The following VPS13B variants were observed in gnomAD, a reference collection of about 807,000 sequenced individuals.
The protein encoded by VPS13B is intermembrane lipid transfer protein VPS13B.
VPS13B carries 285 observed loss-of-function variants against 426.4 expected under a neutral mutation model. That is an observed-to-expected ratio of 0.67 (90% CI 0.61 to 0.74). The LOEUF is 0.74. VPS13B is among the 30% of genes least tolerant of loss of function. The pLI is 0.00. For synonymous variants in VPS13B, 1,676 were observed against 1,676.4 expected, an observed-to-expected ratio of 1.00 and a Z score of 0.01; for missense variants, 4,537 against 4,782.6, an observed-to-expected ratio of 0.95 and a Z score of 1.51.
chr8:99,242,830 C>T (rs1015423034), intron 17 of VPS13B, among the ~76,000 whole-genome samples: 1 of 152,042 alleles, frequency 6.6e-6, no homozygotes, highest in Non-Finnish European at 1.5e-5. Flanking sequence ...TTTGTAATGC[C>T]TTTACAAATT....
intron 2 of VPS13B, among the ~76,000 whole-genome samples, chr8:99,018,292 A>G (rs748118601): frequency 3.5e-4 from 54 of 152,214 alleles, no homozygotes; most frequent in Non-Finnish European, 1.2e-4. Flanking sequence ...ACGCTGGGGC[A>G]CAAGAATCAC....
intron 33 of VPS13B, among the ~76,000 whole-genome samples, chr8:99,588,720 C>G (rs903138234): frequency 4.0e-5 from 6 of 151,626 alleles, no homozygotes; most frequent in Non-Finnish European, 8.8e-5. Context: ...TGGGCTGAGA[C>G]GATGGGGTTT....
chr8:99,603,929 A>G (rs911528792), intron 33 of VPS13B, among the ~76,000 whole-genome samples: 3 of 152,208 alleles, frequency 2.0e-5, no homozygotes, highest in African/African-American at 7.2e-5. Flanking sequence ...TGCTTATTCT[A>G]TTTAAATTTT....
intron 16 of VPS13B, among the ~76,000 whole-genome samples, chr8:99,175,669 A>T (rs1181629120): frequency 6.6e-6 from 1 of 152,084 alleles, no homozygotes; most frequent in African/African-American, 2.4e-5. Flanking sequence ...AGGTGGGAGG[A>T]TCACTTGCGC....
intron 16 of VPS13B, among the ~76,000 whole-genome samples, chr8:99,190,106 G>A (rs1233910409): frequency 1.3e-5 from 2 of 151,778 alleles, no homozygotes; most frequent in African/African-American, 2.4e-5. Flanking sequence ...TATGTATTTC[G>A]GAGATGTGTA....
intron 33 of VPS13B, among the ~76,000 whole-genome samples, chr8:99,604,549 G>C (rs1827482321): frequency 7.1e-6 from 1 of 141,178 alleles, no homozygotes; most frequent in African/African-American, 2.6e-5. Context: ...GCCCAGGCTG[G>C]AGTGCAGTGG....
At chr8:99,680,381 A>T (rs1326434120) in intron 35 of VPS13B, among the ~76,000 whole-genome samples, 1 of 152,158 alleles carries the variant, frequency 6.6e-6, no homozygotes, top group Non-Finnish European at 1.5e-5. Flanking sequence ...TCCCTCTCTG[A>T]TTTCATTATT....
At chr8:99,718,460 T>G (rs1371444944) in intron 37 of VPS13B, among the ~76,000 whole-genome samples, 1 of 152,196 alleles carries the variant, frequency 6.6e-6, no homozygotes, top group African/African-American at 2.4e-5. Flanking sequence ...TGCATTTGTC[T>G]TAACAGCCAA....
At chr8:99,385,615 C>T (rs1248862101) in intron 20 of VPS13B, among the ~76,000 whole-genome samples, 1 of 152,146 alleles carries the variant, frequency 6.6e-6, no homozygotes, top group African/African-American at 2.4e-5. Context: ...GAGAATATCC[C>T]TCCCTCTGAG....
intron 23 of VPS13B, among the ~76,000 whole-genome samples, chr8:99,465,400 G>A (rs1054018351): frequency 1.3e-5 from 2 of 149,328 alleles, no homozygotes. Flanking sequence ...GTAGTACCTT[G>A]AAAGGTTTTT....
intron 17 of VPS13B, among the ~76,000 whole-genome samples, chr8:99,194,886 G>GC (rs1813820784): frequency 6.6e-6 from 1 of 151,706 alleles, no homozygotes; most frequent in Non-Finnish European, 1.5e-5. Context: ...TTGCTCTGTT[G>GC]CCAGGCTGGA....
intron 21 of VPS13B, among the ~76,000 whole-genome samples, chr8:99,410,033 G>A (rs77925444): frequency 0.02 from 3,074 of 152,172 alleles, 114 homozygotes; most frequent in African/African-American, 0.07. Context: ...GGTGGGATGG[G>A]GGAATACTTG....
chr8:99,466,523 T>G (rs1160903032), intron 23 of VPS13B, among the ~76,000 whole-genome samples: 2 of 152,122 alleles, frequency 1.3e-5, no homozygotes, highest in Non-Finnish European at 2.9e-5. Context: ...AAAATTACTT[T>G]CCTATATTTA....
At chr8:99,425,069 A>G (rs1816614588) in intron 21 of VPS13B, among the ~76,000 whole-genome samples, 1 of 152,214 alleles carries the variant, frequency 6.6e-6, no homozygotes, top group Non-Finnish European at 1.5e-5. Flanking sequence ...TGAGGCAATA[A>G]TTAATAGCTT....
chr8:99,377,276 C>T (rs1241744887), intron 19 of VPS13B, among the ~76,000 whole-genome samples: 3 of 152,136 alleles, frequency 2.0e-5, no homozygotes, highest in African/African-American at 7.2e-5. Context: ...ATTGTCTCTT[C>T]CCCATTCTCT....
intron 17 of VPS13B, among the ~76,000 whole-genome samples, chr8:99,194,789 T>TA (rs1450307020): frequency 1.3e-5 from 2 of 152,188 alleles, no homozygotes; most frequent in Non-Finnish European, 2.9e-5. Flanking sequence ...GGATTGCTTA[T>TA]ATTTTTAGAT....
intron 3 of VPS13B, among the ~76,000 whole-genome samples, chr8:99,067,435 C>G: frequency 6.6e-6 from 1 of 152,100 alleles, no homozygotes; most frequent in East Asian, 1.9e-4. Context: ...TAGGTGGGAA[C>G]TGAACAATGA....
chr8:99,096,252 T>G, intron 3 of VPS13B, 60 bp from the exon 4 acceptor site: 1 of 1,596,338 alleles, frequency 6.3e-7, no homozygotes, highest in Admixed American at 1.7e-5. Flanking sequence ...AAAAAATTTT[T>G]TTTCTTAATT....
chr8:99,050,185 T>A (rs1243619535), intron 3 of VPS13B, among the ~76,000 whole-genome samples: 1 of 151,364 alleles, frequency 6.6e-6, no homozygotes, highest in Non-Finnish European at 1.5e-5. Context: ...CGCTCCCCCC[T>A]CCCCCCACCA....
Sources: allele counts gnomAD v4.1 joint callset (sites outside exome capture counted in the v4.1 genomes callset), GRCh38; gene constraint gnomAD v4.1.1; transcripts MANE v1.5; gene names NCBI Gene and HGNC (gene_info 2026-07-23, HGNC 2026-07-21).